The following SLC28A1 variants were observed in gnomAD, a reference collection of about 807,000 sequenced individuals.
SLC28A1 encodes solute carrier family 28 member 1, also known as sodium/nucleoside cotransporter 1.
In SLC28A1, 64 loss-of-function variants were observed where a neutral mutation model predicts 74.8. That is an observed-to-expected ratio of 0.86 (90% CI 0.70 to 1.05). SLC28A1 has a LOEUF of 1.05. Among genes scored for constraint, SLC28A1 ranks in the 50% least tolerant of loss-of-function variants. SLC28A1 has a pLI of 0.00. For synonymous variants in SLC28A1, 359 were observed against 335.0 expected (o/e 1.07, Z -0.78); for missense variants, 828 against 822.8 (o/e 1.01, Z -0.08).
chr15:84,950,972 A>G, the SLC28A1 span, among the ~76,000 whole-genome samples: 130,282 of 152,154 alleles, frequency 0.86, 55,914 homozygotes, highest in East Asian at 0.96. Flanking sequence ...AAGCCTGTTT[A>G]CAAAAACAGG....
chr15:84,960,483 C>T, the SLC28A1 span, among the ~76,000 whole-genome samples: 1 of 151,992 alleles, frequency 6.6e-6, no homozygotes, highest in Non-Finnish European at 1.5e-5. Context: ...GCCTCGAACC[C>T]CTGTACTCAA....
intron 6 of SLC28A1, among the ~76,000 whole-genome samples, chr15:84,903,497 C>T (rs956963604): frequency 5.9e-5 from 9 of 152,210 alleles, no homozygotes; most frequent in African/African-American, 2.2e-4. Context: ...TCTTGAGTAC[C>T]TGATGCCAAA....
downstream of SLC28A1, among the ~76,000 whole-genome samples, chr15:84,946,084 T>TTATATATATATATATA (rs1567196223): frequency 3.6e-4 from 10 of 27,550 alleles, 1 homozygote; most frequent in African/African-American, 9.4e-4. Flanking sequence ...GTGTGTATGT[T>TTATATATATATATATA]CATATATATA....
the SLC28A1 span, among the ~76,000 whole-genome samples, chr15:84,967,284 G>C: frequency 6.6e-6 from 1 of 152,148 alleles, no homozygotes; most frequent in African/African-American, 2.4e-5. Context: ...GGTGCTTCAG[G>C]GGCTGCCTTG....
At chr15:84,966,343 A>G in the SLC28A1 span, among the ~76,000 whole-genome samples, 1 of 152,146 alleles carries the variant, frequency 6.6e-6, no homozygotes, top group African/African-American at 2.4e-5. Flanking sequence ...CTGGGATTAC[A>G]GGTGTGAGCC....
chr15:84,920,944 G>A, intron 10 of SLC28A1, 45 bp from the exon 11 acceptor site: 2 of 1,483,382 alleles, frequency 1.3e-6, no homozygotes, highest in South Asian at 2.3e-5. Context: ...CTGACTCTGG[G>A]GTTTGCTGAT....
chr15:84,967,855 G>T, the SLC28A1 span, among the ~76,000 whole-genome samples: 1 of 152,188 alleles, frequency 6.6e-6, no homozygotes, highest in Admixed American at 6.5e-5. Flanking sequence ...GAGTCTGAGG[G>T]TAGGCTGCCA....
intron 12 of SLC28A1, among the ~76,000 whole-genome samples, chr15:84,927,173 C>T (rs1000369999): frequency 1.1e-4 from 17 of 152,160 alleles, no homozygotes; most frequent in Non-Finnish European, 1.5e-4. Context: ...GGTGCACCCA[C>T]CCACCCCACC....
In SLC28A1 at chr15:84,935,342, C is replaced by T. The variant is rs8187779; in HGVS notation, c.1405C>T (p.Arg469Trp). The T allele has an allele frequency of 4.2e-5, 68 of 1,614,066 alleles. 1 individual carries two copies. Among genetic ancestry groups the T allele is most frequent in the East Asian group, 6.7e-5 (3 of 44,896 alleles). ...SFQLICSYIL[R>W]PVAFLMGVAW... is the part of the protein sequence containing the mutation. ...TCAGCTCATCTGCTCCTACATCCTG[C>T]GGCCTGTAGCCTTCTTGATGGGTGT... Residue 469 changes from arginine to tryptophan, a missense_variant, in exon 15 of 19, where the codon CGG (arginine) becomes TGG (tryptophan). Transcript: ENST00000394573.
the SLC28A1 span, among the ~76,000 whole-genome samples, chr15:84,967,303 G>A: frequency 1.3e-5 from 2 of 152,188 alleles, no homozygotes; most frequent in Non-Finnish European, 1.5e-5. Context: ...TGGGGGATGA[G>A]TGGCTGACAT....
At chr15:84,975,444 G>A in the SLC28A1 span, 1 of 455,688 alleles carries the variant, frequency 2.2e-6, no homozygotes, top group Non-Finnish European at 4.4e-6. Flanking sequence ...GATGGTTGTT[G>A]CCCCTCATTT....
the SLC28A1 span, among the ~76,000 whole-genome samples, chr15:84,962,541 G>A: frequency 2.6e-5 from 4 of 152,130 alleles, no homozygotes; most frequent in African/African-American, 7.2e-5. Flanking sequence ...GGGCTCGGGT[G>A]ATCCTTCCAC....
intron 6 of SLC28A1, among the ~76,000 whole-genome samples, chr15:84,901,633 T>C (rs566595764): frequency 6.6e-6 from 1 of 152,188 alleles, no homozygotes; most frequent in South Asian, 2.1e-4. Context: ...CATTTATCAG[T>C]AGAGAAATGC....
intron 6 of SLC28A1, among the ~76,000 whole-genome samples, chr15:84,901,797 C>G (rs750341476): frequency 2.6e-5 from 4 of 152,210 alleles, no homozygotes; most frequent in Admixed American, 6.5e-5. Context: ...CTGTAGAAAA[C>G]AGATTGGCAC....
At position 84,945,286 on chromosome 15, in the gene SLC28A1, C is replaced by G; in HGVS notation, c.*86C>G. On this transcript the variant is annotated 3_prime_UTR_variant, in exon 19 of 19. Transcript: ENST00000394573. ...TCCCCACCTTCCCTTTCCCAGAGCC[C>G]TCTTCAGGGAAGCCACAGGACTTAG... 1 of 1,292,074 alleles carries G rather than the reference C, an allele frequency of 7.7e-7. No homozygotes were observed. The highest frequency in any genetic ancestry group is 1.1e-6 in the Non-Finnish European group (1 of 893,894). The allele number at this position is 1,292,074 out of a possible 1,614,324, so 80.0% of individuals were successfully genotyped here.
At chr15:84,931,413 A>C (rs1165679412) in intron 12 of SLC28A1, among the ~76,000 whole-genome samples, 2 of 149,830 alleles carry the variant, frequency 1.3e-5, no homozygotes. Flanking sequence ...TTGGGAGGCC[A>C]AGGCAGGCAG....
chr15:84,890,370 G>A (rs1965225379), intron 4 of SLC28A1, 73 bp from the exon 5 acceptor site: 6 of 1,080,078 alleles, frequency 5.6e-6, no homozygotes, highest in South Asian at 2.7e-5. Context: ...ACATACCTGA[G>A]TGGAGGTGCT....
chr15:84,934,584 G>A (rs771852786), intron 13 of SLC28A1, among the ~76,000 whole-genome samples: 2 of 152,202 alleles, frequency 1.3e-5, no homozygotes, highest in Non-Finnish European at 2.9e-5. Context: ...GAAATGTAAT[G>A]TGAGGCGCCT....
At chr15:84,938,630 A>G (rs1202798590) in intron 15 of SLC28A1, 1 of 152,190 alleles carries the variant, frequency 6.6e-6, no homozygotes, top group Non-Finnish European at 1.5e-5. Flanking sequence ...AGAATTACAC[A>G]GACATGGCTC....
Sources: allele counts gnomAD v4.1 joint callset (sites outside exome capture counted in the v4.1 genomes callset), GRCh38; gene constraint gnomAD v4.1.1; transcripts MANE v1.5; gene names NCBI Gene and HGNC (gene_info 2026-07-23, HGNC 2026-07-21).